Variants in TET1 observed in about 807,000 individuals in gnomAD.
TET1 encodes tet methylcytosine dioxygenase 1.
Under a neutral mutation model 148.7 loss-of-function variants are expected in TET1, and 13 were observed. That is an observed-to-expected ratio of 0.09 (90% CI 0.06 to 0.14). The LOEUF (loss-of-function observed/expected upper bound fraction) is 0.14, where lower values mean the gene tolerates loss of function less well. Ranked by LOEUF, TET1 falls within the 10% of genes least tolerant of loss-of-function variation. The pLI, the probability that TET1 is intolerant of heterozygous loss-of-function variation, is 1.00. For synonymous variants in TET1, 907 were observed against 937.2 expected (o/e 0.97, Z 0.59); for missense variants, 2,182 against 2,553.8 (o/e 0.85, Z 3.14).
intron 6 of TET1, among the ~76,000 whole-genome samples, chr10:68,659,669 A>T (rs918901148): frequency 6.6e-6 from 1 of 152,212 alleles, no homozygotes; most frequent in Non-Finnish European, 1.5e-5. Context: ...ATTGTCTGCT[A>T]AAGTACCATT....
chr10:68,585,513 T>C (rs1424629750), intron 2 of TET1, among the ~76,000 whole-genome samples: 1 of 152,176 alleles, frequency 6.6e-6, no homozygotes, highest in Non-Finnish European at 1.5e-5. Context: ...ATCATAAAAC[T>C]GCAACTTCTA....
chr10:68,565,612 G>C (rs2053600169), intron 1 of TET1, among the ~76,000 whole-genome samples: 1 of 151,834 alleles, frequency 6.6e-6, no homozygotes, highest in South Asian at 2.1e-4. Flanking sequence ...ATTTCTGGAG[G>C]TCTTTGAGGT....
chr10:68,574,022 G>T lies in TET1; in HGVS notation c.1684G>T (p.Val562Leu). The change falls in exon 2 of 12, where the codon GTG becomes TTG. Residue 562 changes from valine (V) to leucine (L), a missense_variant. Val to Leu is a conservative substitution (Grantham distance 32). This residue lies in a region of TET1 where 665 missense variants were observed against 672.4 expected (regional missense o/e 0.99). Transcript: ENST00000373644. ...STVHVVNTTV[V>L]TMPVPMVSTS... ...AGTTCATGTTGTCAACACCACAGTG[G>T]TGACTATGCCAGTGCCAATGGTCAG... 1 of 1,614,134 alleles carries T rather than the reference G, an allele frequency of 6.2e-7. No individual in the cohort carries two copies. Among genetic ancestry groups the T allele is most frequent in the African/African-American group, 1.3e-5 (1 of 75,034 alleles).
intron 3 of TET1, among the ~76,000 whole-genome samples, chr10:68,614,142 T>A (rs2054256652): frequency 6.6e-6 from 1 of 152,218 alleles, no homozygotes; most frequent in South Asian, 2.1e-4. Flanking sequence ...AATCCACCTG[T>A]CCAGGGTTTA....
intron 3 of TET1, among the ~76,000 whole-genome samples, chr10:68,621,234 CTTGTTG>C (rs368908630): frequency 9.2e-5 from 14 of 151,772 alleles, no homozygotes; most frequent in African/African-American, 3.4e-4. Flanking sequence ...CTAGGTGTTT[CTTGTTG>C]TTGTTGTTGT....
intron 3 of TET1, among the ~76,000 whole-genome samples, chr10:68,607,171 T>TAA (rs34408803): frequency 2.0e-4 from 29 of 142,642 alleles, no homozygotes; most frequent in Admixed American, 4.2e-4. Flanking sequence ...TTCAGGCTAT[T>TAA]AAAAAAAAAA....
intron 6 of TET1, among the ~76,000 whole-genome samples, chr10:68,664,652 G>A (rs2055170280): frequency 6.9e-6 from 1 of 144,408 alleles, no homozygotes; most frequent in Admixed American, 7.1e-5. Context: ...AAAGTGCTGG[G>A]AGGTGCGCCC....
chr10:68,663,068 G>C (rs1402111855), intron 6 of TET1, among the ~76,000 whole-genome samples: 1 of 152,208 alleles, frequency 6.6e-6, no homozygotes, highest in African/African-American at 2.4e-5. Flanking sequence ...TATTTTGGAA[G>C]TGAGTATACA....
chr10:68,674,546 TA>T, intron 8 of TET1: 1 of 541,588 alleles, frequency 1.8e-6, no homozygotes. Flanking sequence ...TGCAGAATGA[TA>T]AAGTTGCATT....
At position 68,652,518 on chromosome 10, in the gene TET1, A is replaced by G; in HGVS notation, c.4385A>G (p.Asn1462Ser). 6.2e-7 allele frequency: 1 copy of G among 1,611,146 alleles called. No homozygotes were observed. The highest frequency in any genetic ancestry group is 8.5e-7 in the Non-Finnish European group (1 of 1,178,694). ...ATACTCAGGTATGGTCAAAAAGGAA[A>G]CGCAATAAGGATAGAAATAGTAGTG... is the stretch of plus-strand genomic sequence containing the variant. Reference protein sequence around the residue: ...IMENRYGQKGNAIRIEIVVYT... With the variant: ...IMENRYGQKGSAIRIEIVVYT... The change falls in exon 6 of 12, where the codon AAC (asparagine) becomes AGC (serine). Residue 1462 changes from asparagine to serine, a missense_variant. Around this residue, in one of 11 missense-constraint regions of TET1, gnomAD observed 169 missense variants for 263.7 expected, o/e 0.64. Transcript: ENST00000373644.
intron 1 of TET1, among the ~76,000 whole-genome samples, chr10:68,562,782 T>C (rs1350083313): frequency 6.6e-6 from 1 of 152,088 alleles, no homozygotes; most frequent in Non-Finnish European, 1.5e-5. Flanking sequence ...CTGATTTGTC[T>C]CCCCTCCCCC....
At chr10:68,671,439 T>C (rs1173786498) in intron 7 of TET1, among the ~76,000 whole-genome samples, 1 of 152,256 alleles carries the variant, frequency 6.6e-6, no homozygotes. Flanking sequence ...TTTCTTTATC[T>C]AATCTGTCAT....
chr10:68,606,010 T>C (rs753197311), intron 3 of TET1, among the ~76,000 whole-genome samples: 1 of 152,124 alleles, frequency 6.6e-6, no homozygotes, highest in Non-Finnish European at 1.5e-5. Flanking sequence ...ACAGCCACCC[T>C]CCCCTGCTAA....
intron 6 of TET1, 59 bp downstream of exon 6, chr10:68,652,653 T>C (rs1223114111): frequency 1.7e-6 from 2 of 1,160,992 alleles, no homozygotes; most frequent in South Asian, 1.4e-5. Context: ...CTGATATTTA[T>C]ACATTTACAA....
In TET1 at chr10:68,601,052, AAAT is replaced by A. The variant is rs2054048711; in HGVS notation, c.1968+23_1968+25del. 2 of 1,586,342 alleles carry A rather than the reference AAAT, an allele frequency of 1.3e-6. No homozygotes were observed. Among genetic ancestry groups the A allele is most frequent in the Middle Eastern group, 1.8e-4 (1 of 5,604 alleles). The stretch of plus-strand genomic sequence containing the variant: ...TTTTAAAGGTAATCAGCTGTTGATT[AAAT>A]AATATTTCATTATTTTTCCATTTCA... On this transcript the variant is annotated intron_variant, in intron 3 of 11. Transcript: ENST00000373644.
chr10:68,680,852 C>T (rs1003820605), intron 8 of TET1, among the ~76,000 whole-genome samples: 6 of 152,212 alleles, frequency 3.9e-5, no homozygotes, highest in African/African-American at 1.4e-4. Flanking sequence ...CTCAGTTATC[C>T]TGACCTTGCT....
rs752407348 is a variant in TET1 at position 68,645,987 on chromosome 10, G to T, written c.3258G>T (p.Ser1086=). The T allele has an allele frequency of 1.2e-6, 2 of 1,613,952 alleles. No individual in the cohort carries two copies. Among genetic ancestry groups the T allele is most frequent in the African/African-American group, 1.3e-5 (1 of 75,004 alleles). The change falls in exon 4 of 12, where the codon TCG becomes TCT. Residue 1086 remains serine (S), a synonymous_variant. Transcript: ENST00000373644. ...CAACACAGTTGACACAACTTGCTTC[G>T]ATAATTAAGATCAATTATATAAAAC... The part of the protein sequence containing the change: ...DVATQLTQLA[S]IIKINYIKPE...
intron 3 of TET1, among the ~76,000 whole-genome samples, chr10:68,630,546 G>C (rs748403525): frequency 1.3e-5 from 2 of 152,084 alleles, no homozygotes; most frequent in Admixed American, 6.6e-5. Flanking sequence ...AACTGCTGAC[G>C]TCAGGTGGTC....
chr10:68,587,222 T>C (rs543459776), intron 2 of TET1, among the ~76,000 whole-genome samples: 61 of 152,312 alleles, frequency 4.0e-4, no homozygotes, highest in African/African-American at 1.5e-3. Flanking sequence ...TTTCATATCA[T>C]ATTTCATACG....
Sources: gnomAD v4.1 joint callset for allele counts (sites outside exome capture counted in the v4.1 genomes callset) on GRCh38, gnomAD v4.1.1 for gene constraint, gnomAD v4.1.1 regional missense constraint, MANE v1.5 for transcripts, NCBI Gene and HGNC (gene_info 2026-07-23, HGNC 2026-07-21) for gene names.